The following SLIT2 variants were observed in gnomAD, a reference collection of about 807,000 sequenced individuals.
The protein encoded by SLIT2 is slit guidance ligand 2.
Under a neutral mutation model 185.7 loss-of-function variants are expected in SLIT2, and 41 were observed. The ratio of observed to expected loss-of-function variants is 0.22; its 90% CI spans 0.17 to 0.29. The LOEUF is 0.29. Among genes scored for constraint, SLIT2 ranks in the 10% least tolerant of loss-of-function variants. The pLI is 1.00. For missense variants in SLIT2, 1,571 were observed against 1,909.0 expected (o/e 0.82, Z 3.30); for synonymous variants, 693 against 680.2 (o/e 1.02, Z -0.29).
chr4:20,588,546 C>T (rs1727255831), intron 29 of SLIT2, among the ~76,000 whole-genome samples: 1 of 151,940 alleles, frequency 6.6e-6, no homozygotes, highest in Non-Finnish European at 1.5e-5. Context: ...CCATTTATTG[C>T]ATATAAAACA....
chr4:20,572,947 C>T (rs756073921), intron 29 of SLIT2, among the ~76,000 whole-genome samples: 1 of 152,188 alleles, frequency 6.6e-6, no homozygotes, highest in Non-Finnish European at 1.5e-5. Flanking sequence ...CTCTGACGCC[C>T]ATGCACAAGC....
At chr4:20,464,662 G>T (rs1043937176) in intron 4 of SLIT2, among the ~76,000 whole-genome samples, 5 of 152,060 alleles carry the variant, frequency 3.3e-5, no homozygotes, top group Admixed American at 3.3e-4. Context: ...TGCATACGTT[G>T]TACCCTCTTA....
At chr4:20,508,308 TAAGG>T (rs974467706) in intron 9 of SLIT2, among the ~76,000 whole-genome samples, 8 of 151,792 alleles carry the variant, frequency 5.3e-5, no homozygotes, top group African/African-American at 1.7e-4. Flanking sequence ...CCTAAGAAAA[TAAGG>T]AAAGGATTTA....
intron 4 of SLIT2, among the ~76,000 whole-genome samples, chr4:20,285,445 C>T (rs769429722): frequency 1.8e-4 from 27 of 152,212 alleles, no homozygotes; most frequent in Non-Finnish European, 3.2e-4. Context: ...AATCAGAACA[C>T]CTCCTTTATC....
chr4:20,519,917 C>A (rs1720669844), intron 12 of SLIT2, among the ~76,000 whole-genome samples: 1 of 151,510 alleles, frequency 6.6e-6, no homozygotes, highest in African/African-American at 2.4e-5. Context: ...CCCTGTAGTC[C>A]CAGCTACTCA....
At chr4:20,351,727 G>A (rs1391868159) in intron 4 of SLIT2, among the ~76,000 whole-genome samples, 3 of 152,168 alleles carry the variant, frequency 2.0e-5, no homozygotes, top group African/African-American at 7.2e-5. Flanking sequence ...TGAAAGGAAG[G>A]CCCTGGGCTT....
chr4:20,501,495 G>C (rs1718734584), intron 9 of SLIT2, among the ~76,000 whole-genome samples: 1 of 152,010 alleles, frequency 6.6e-6, no homozygotes, highest in South Asian at 2.1e-4. Flanking sequence ...TGTTGCCTGG[G>C]TTGGTCTTGA....
chr4:20,304,694 C>A (rs1165498201), intron 4 of SLIT2, among the ~76,000 whole-genome samples: 2 of 152,120 alleles, frequency 1.3e-5, no homozygotes, highest in Non-Finnish European at 2.9e-5. Context: ...AATGGAGATG[C>A]AGAGCTTACA....
At chr4:20,510,688 C>T (rs1719620930) in intron 10 of SLIT2, 122 bp downstream of exon 10, 2 of 613,206 alleles carry the variant, frequency 3.3e-6, no homozygotes, top group East Asian at 2.7e-5. Flanking sequence ...AGTGATGTGA[C>T]TGTCTGATTA....
intron 15 of SLIT2, among the ~76,000 whole-genome samples, chr4:20,527,038 T>C (rs1481288002): frequency 2.6e-5 from 4 of 152,216 alleles, no homozygotes; most frequent in African/African-American, 9.6e-5. Flanking sequence ...ATGAAACGAT[T>C]ATATTTACCA....
intron 4 of SLIT2, among the ~76,000 whole-genome samples, chr4:20,322,157 T>G (rs539565335): frequency 5.3e-5 from 8 of 152,318 alleles, no homozygotes; most frequent in Non-Finnish European, 1.2e-4. Flanking sequence ...ATTTCATATG[T>G]GAACCTCCAA....
At chr4:20,301,836 G>A (rs980922734) in intron 4 of SLIT2, among the ~76,000 whole-genome samples, 7 of 152,034 alleles carry the variant, frequency 4.6e-5, no homozygotes, top group African/African-American at 9.7e-5. Context: ...TTTATTTCTC[G>A]AAGGAAAATT....
chr4:20,291,904 CTGTGTGTGTGTG>C lies in SLIT2; in HGVS notation c.395+23048_395+23059del, dbSNP rs35335088. Among the ~76,000 whole-genome samples the C allele has an allele frequency of 3.5e-3, 514 of 146,964 alleles. 2 individuals are homozygous for C. Among genetic ancestry groups the C allele is most frequent in the Middle Eastern group, 6.9e-3 (2 of 288 alleles). ...AACATCCTAGAGCTCCTGCACACCT[CTGTGTGTGTGTG>C]TGTGTGTGTGTGTGTGTGTGTGTGC... is the stretch of plus-strand genomic sequence containing the variant. On this transcript the variant is annotated intron_variant, in intron 4 of 36. Transcript: ENST00000504154.
chr4:20,545,901 G>A (rs1241148171), intron 21 of SLIT2, 130 bp from the exon 22 acceptor site: 1 of 459,978 alleles, frequency 2.2e-6, no homozygotes, highest in African/African-American at 2.0e-5. Flanking sequence ...TCCATGCTTG[G>A]AACACGACAT....
At chr4:20,388,826 T>C (rs1239265029) in intron 4 of SLIT2, among the ~76,000 whole-genome samples, 1 of 143,842 alleles carries the variant, frequency 7.0e-6, no homozygotes, top group Non-Finnish European at 1.5e-5. Context: ...AAAATATATA[T>C]AATATATAAT....
chr4:20,251,975 A>G lies in SLIT2; in HGVS notation c.-1841A>G, dbSNP rs1722076629. ...CGGCGGCGGTGGTGGTGGCTGCCGCAGACTGTGGTTAAAAAAAAGAAGGCG... is the reference window on the plus strand; with the variant it reads ...CGGCGGCGGTGGTGGTGGCTGCCGCGGACTGTGGTTAAAAAAAAGAAGGCG... On this transcript the variant is annotated 5_prime_UTR_variant, in exon 1 of 37. Transcript: ENST00000504154. 3.3e-5 allele frequency among the ~76,000 whole-genome samples: 5 copies of G among 151,700 alleles called. 1 individual carries two copies. In the South Asian group the frequency reaches 1.0e-3, roughly 32 times the overall value.
At chr4:20,577,884 A>G (rs1408951285) in intron 29 of SLIT2, among the ~76,000 whole-genome samples, 1 of 152,168 alleles carries the variant, frequency 6.6e-6, no homozygotes, top group East Asian at 1.9e-4. Flanking sequence ...TTCCTCAAAC[A>G]TTCCACTTAA....
At chr4:20,315,754 A>G (rs1266523337) in intron 4 of SLIT2, among the ~76,000 whole-genome samples, 2 of 152,102 alleles carry the variant, frequency 1.3e-5, no homozygotes, top group Admixed American at 6.6e-5. Flanking sequence ...AACTCTTTAC[A>G]TTAGGTAGTA....
chr4:20,260,989 A>G (rs973102553), intron 3 of SLIT2, among the ~76,000 whole-genome samples: 1 of 151,444 alleles, frequency 6.6e-6, no homozygotes, highest in African/African-American at 2.4e-5. Flanking sequence ...ATAACACATC[A>G]TTGTCAGAAT....
Sources: allele counts gnomAD v4.1 joint callset (sites outside exome capture counted in the v4.1 genomes callset), GRCh38; gene constraint gnomAD v4.1.1; transcripts MANE v1.5; gene names NCBI Gene and HGNC (gene_info 2026-07-23, HGNC 2026-07-21).